Variants in CD38 observed in about 807,000 individuals in gnomAD.
CD38 encodes CD38 molecule, also known as ADP-ribosyl cyclase/cyclic ADP-ribose hydrolase 1.
In CD38, 31 loss-of-function variants were observed where a neutral mutation model predicts 36.3. That is an observed-to-expected ratio of 0.85 (90% confidence interval 0.64 to 1.15). The LOEUF (loss-of-function observed/expected upper bound fraction) is 1.15, where lower values mean the gene tolerates loss of function less well. Among genes scored for constraint, CD38 ranks in the 50% most tolerant of loss-of-function variants. The pLI is 0.00. For missense variants in CD38, 380 were observed against 371.9 expected (o/e 1.02, Z -0.18); for synonymous variants, 131 against 135.2 (o/e 0.97, Z 0.22).
At chr4:15,821,616 A>G (rs1183920263) in intron 2 of CD38, among the ~76,000 whole-genome samples, 1 of 151,670 alleles carries the variant, frequency 6.6e-6, no homozygotes, top group African/African-American at 2.4e-5. Flanking sequence ...CACCCTCCCA[A>G]GACTGAACCA....
At chr4:15,823,360 A>G (rs1723780535) in intron 2 of CD38, among the ~76,000 whole-genome samples, 1 of 152,266 alleles carries the variant, frequency 6.6e-6, no homozygotes, top group Non-Finnish European at 1.5e-5. Context: ...GCACAGCAGA[A>G]GAAACTATCA....
intron 2 of CD38, among the ~76,000 whole-genome samples, chr4:15,820,191 G>A (rs529628563): frequency 2.0e-5 from 3 of 152,296 alleles, no homozygotes; most frequent in Non-Finnish European, 4.4e-5. Context: ...GCTCCTGAAG[G>A]AAGCACTAAA....
At chr4:15,841,520 A>C (rs1443872798) in intron 7 of CD38, among the ~76,000 whole-genome samples, 1 of 152,116 alleles carries the variant, frequency 6.6e-6, no homozygotes, top group East Asian at 1.9e-4. Flanking sequence ...AGAATGAATG[A>C]AGGAGCAACT....
At chr4:15,827,993 A>G (rs578043039) in intron 3 of CD38, among the ~76,000 whole-genome samples, 2 of 152,278 alleles carry the variant, frequency 1.3e-5, no homozygotes, top group East Asian at 3.9e-4. Context: ...AATCAAACTA[A>G]TTAACATATC....
intron 1 of CD38, among the ~76,000 whole-genome samples, chr4:15,797,334 A>C (rs1256934150): frequency 6.6e-6 from 1 of 152,224 alleles, no homozygotes; most frequent in African/African-American, 2.4e-5. Context: ...TATCCTATTG[A>C]ATGACCATAC....
chr4:15,802,637 A>G (rs1723254759), intron 1 of CD38, among the ~76,000 whole-genome samples: 1 of 151,702 alleles, frequency 6.6e-6, no homozygotes, highest in Admixed American at 6.6e-5. Flanking sequence ...GCTCACTGCA[A>G]TCTCTCCCTC....
Position 15,848,546 on chromosome 4 carries a change from A to T in CD38, c.847A>T (p.Lys283Ter). The part of the protein sequence containing the change: ...FSCKNIYRPD[K>*]FLQCVKNPED... ...TTTGCTTTCTTGTCATAGACCTGAC[A>T]AGTTTCTTCAGTGTGTGAAAAATCC... The change falls in exon 8 of 8, where the codon AAG becomes TAG. Residue 283 changes from lysine (K) to a stop codon, truncating the protein, a stop_gained. Transcript: ENST00000226279. LOFTEE classifies it low-confidence loss of function (END_TRUNC). 2 of 1,613,244 alleles carry T rather than the reference A, an allele frequency of 1.2e-6. No homozygotes were observed. Among genetic ancestry groups the T allele is most frequent in the Non-Finnish European group, 1.7e-6 (2 of 1,179,248 alleles).
At chr4:15,779,631 C>T (rs895193405) in intron 1 of CD38, among the ~76,000 whole-genome samples, 2 of 152,194 alleles carry the variant, frequency 1.3e-5, no homozygotes, top group Non-Finnish European at 2.9e-5. Flanking sequence ...GTTCCGGTTG[C>T]AAAATGTTTG....
chr4:15,835,087 T>C (rs961684829), intron 4 of CD38, among the ~76,000 whole-genome samples: 2 of 152,184 alleles, frequency 1.3e-5, no homozygotes, highest in African/African-American at 4.8e-5. Context: ...TATTATTAAC[T>C]GTAGTCCTCC....
chr4:15,820,375 C>A (rs1723705752), intron 2 of CD38, among the ~76,000 whole-genome samples: 1 of 152,036 alleles, frequency 6.6e-6, no homozygotes, highest in Admixed American at 6.6e-5. Context: ...GGCTAAATGT[C>A]CCAACTAAAA....
intron 1 of CD38, among the ~76,000 whole-genome samples, chr4:15,796,792 A>G (rs1723112302): frequency 6.6e-6 from 1 of 152,126 alleles, no homozygotes; most frequent in Non-Finnish European, 1.5e-5. Flanking sequence ...TCTACAATGT[A>G]TCTTGATGAT....
intron 3 of CD38, among the ~76,000 whole-genome samples, chr4:15,828,691 A>G (rs1241788966): frequency 6.6e-6 from 1 of 152,160 alleles, no homozygotes; most frequent in African/African-American, 2.4e-5. Context: ...TCCATTGTGT[A>G]TATATACCAC....
chr4:15,852,403 A>G lies in CD38; in HGVS notation c.*3801A>G, dbSNP rs1411604934. ...TTATTCCTCCTTAGAACAATTCCTA[A>G]ATCTGTAACTTAAGTTTCTCAGGAA... On this transcript the variant is annotated 3_prime_UTR_variant, in exon 8 of 8. Transcript: ENST00000226279. The G allele has an allele frequency of 6.6e-6, 1 of 152,184 alleles. No homozygotes were observed. Among genetic ancestry groups the G allele is most frequent in the Non-Finnish European group, 1.5e-5 (1 of 68,040 alleles). The allele number at this position is 152,184 out of a possible 1,614,324, so 9.4% of individuals were successfully genotyped here.
intron 1 of CD38, among the ~76,000 whole-genome samples, chr4:15,806,444 C>G (rs1299989346): frequency 1.3e-5 from 2 of 152,202 alleles, no homozygotes; most frequent in Non-Finnish European, 2.9e-5. Context: ...GGTGATAACG[C>G]TTTAGTCTCT....
At chr4:15,841,077 T>G (rs947360178) in intron 7 of CD38, among the ~76,000 whole-genome samples, 2 of 152,216 alleles carry the variant, frequency 1.3e-5, no homozygotes, top group African/African-American at 4.8e-5. Flanking sequence ...TCTGATAATT[T>G]GTGTTTATTA....
intron 1 of CD38, among the ~76,000 whole-genome samples, chr4:15,814,837 C>T (rs1293059960): frequency 2.7e-5 from 4 of 148,648 alleles, no homozygotes; most frequent in Non-Finnish European, 5.9e-5. Flanking sequence ...GATGAGATCT[C>T]GCTCTGTTAC....
At chr4:15,815,907 A>G (rs1243171123) in intron 1 of CD38, among the ~76,000 whole-genome samples, 1 of 152,190 alleles carries the variant, frequency 6.6e-6, no homozygotes, top group Non-Finnish European at 1.5e-5. Context: ...GGTTTTTCAG[A>G]AATAGCTCTT....
intron 1 of CD38, among the ~76,000 whole-genome samples, chr4:15,786,963 C>T (rs547563023): frequency 1.3e-4 from 20 of 152,380 alleles, no homozygotes; most frequent in Admixed American, 3.3e-4. Flanking sequence ...ACACCCTCCA[C>T]AGCTGCTGGC....
Position 15,816,787 on chromosome 4 carries a change from G to A in CD38, c.363+147G>A, listed in dbSNP as rs1191398009. 7 of 805,522 alleles carry A rather than the reference G, an allele frequency of 8.7e-6. No individual in the cohort carries two copies. In the East Asian group the frequency reaches 1.6e-4, roughly 18 times the overall value. The allele number at this position is 805,522 out of a possible 1,614,324, so 49.9% of individuals were successfully genotyped here. On this transcript the variant is annotated intron_variant, in intron 2 of 7. Transcript: ENST00000226279. ...TGGTTGGTAGGAATGGAATTTGCAG[G>A]CCATTGAGGGGCCATGATATAATTA...
Sources: gnomAD v4.1 joint callset for allele counts (sites outside exome capture counted in the v4.1 genomes callset) on GRCh38, gnomAD v4.1.1 for gene constraint, MANE v1.5 for transcripts, NCBI Gene and HGNC (gene_info 2026-07-23, HGNC 2026-07-21) for gene names.